The following PLCL1 variants were observed in gnomAD, a reference collection of about 807,000 sequenced individuals.
PLCL1 encodes the protein phospholipase C like 1 (inactive), also known as inactive phospholipase C-like protein 1.
Under a neutral mutation model 84.4 loss-of-function variants are expected in PLCL1, and 41 were observed. The ratio of observed to expected loss-of-function variants is 0.49; its 90% CI spans 0.38 to 0.63. The LOEUF (loss-of-function observed/expected upper bound fraction) is 0.63, where lower values mean the gene tolerates loss of function less well. Among genes scored for constraint, PLCL1 ranks in the 30% least tolerant of loss-of-function variants. The probability of loss-of-function intolerance (pLI) is 0.00; values close to 1 mark genes in which losing one functional copy is unlikely to be tolerated. For synonymous variants in PLCL1, 490 were observed against 488.3 expected, an observed-to-expected ratio of 1.00 and a Z score of -0.05; for missense variants, 1,206 against 1,367.8, an observed-to-expected ratio of 0.88 and a Z score of 1.87.
intron 1 of PLCL1, among the ~76,000 whole-genome samples, chr2:198,033,300 G>T (rs975783407): frequency 1.3e-5 from 2 of 152,144 alleles, no homozygotes; most frequent in Non-Finnish European, 1.5e-5. Context: ...TTTGGTAAAT[G>T]CAGGTTCTTC....
chr2:197,971,392 G>GT (rs1410942817), intron 1 of PLCL1, among the ~76,000 whole-genome samples: 1 of 152,188 alleles, frequency 6.6e-6, no homozygotes, highest in Non-Finnish European at 1.5e-5. Context: ...CAAATAAAGG[G>GT]TGGGGGAAAC....
intron 1 of PLCL1, among the ~76,000 whole-genome samples, chr2:198,024,562 G>A (rs1026833863): frequency 1.2e-4 from 18 of 152,056 alleles, no homozygotes; most frequent in Admixed American, 4.6e-4. Flanking sequence ...TCGGGAGTTC[G>A]AGACCAGCCT....
intron 1 of PLCL1, among the ~76,000 whole-genome samples, chr2:197,841,772 T>C (rs1377560597): frequency 6.6e-5 from 10 of 152,176 alleles, no homozygotes; most frequent in African/African-American, 2.4e-4. Flanking sequence ...ACATGTTTAG[T>C]TTTGTAAGAA....
At chr2:197,885,571 C>T (rs1347791767) in intron 1 of PLCL1, among the ~76,000 whole-genome samples, 3 of 152,296 alleles carry the variant, frequency 2.0e-5, no homozygotes, top group Admixed American at 6.5e-5. Flanking sequence ...CACCCAGAAA[C>T]GATGTTTAAT....
intron 1 of PLCL1, among the ~76,000 whole-genome samples, chr2:197,860,974 T>C (rs1239717252): frequency 1.3e-5 from 2 of 152,180 alleles, no homozygotes; most frequent in African/African-American, 4.8e-5. Context: ...ATTGTCTAGA[T>C]TGGGATCCCT....
At chr2:198,047,445 G>C (rs1691834303) in intron 1 of PLCL1, among the ~76,000 whole-genome samples, 1 of 152,072 alleles carries the variant, frequency 6.6e-6, no homozygotes, top group Admixed American at 6.6e-5. Flanking sequence ...GCCTTTCAAA[G>C]TGCTAGGAAT....
chr2:198,044,779 T>C (rs924536555), intron 1 of PLCL1, among the ~76,000 whole-genome samples: 1 of 152,202 alleles, frequency 6.6e-6, no homozygotes, highest in African/African-American at 2.4e-5. Flanking sequence ...CACCTATTTT[T>C]GGGTGAGGGG....
intron 1 of PLCL1, among the ~76,000 whole-genome samples, chr2:197,993,145 C>A (rs1044584281): frequency 6.6e-6 from 1 of 152,110 alleles, no homozygotes; most frequent in Non-Finnish European, 1.5e-5. Context: ...TTTCTGCATA[C>A]CCTAGCCAAC....
chr2:197,851,049 T>C (rs1276853453), intron 1 of PLCL1, among the ~76,000 whole-genome samples: 1 of 152,220 alleles, frequency 6.6e-6, no homozygotes, highest in African/African-American at 2.4e-5. Flanking sequence ...GTTAGGTATA[T>C]AAGTCTCATA....
At chr2:197,846,933 T>A (rs1031522141) in intron 1 of PLCL1, among the ~76,000 whole-genome samples, 1 of 152,166 alleles carries the variant, frequency 6.6e-6, no homozygotes, top group Non-Finnish European at 1.5e-5. Context: ...ATTGCTGATA[T>A]GAGACTTGTG....
At chr2:197,809,613 C>A (rs541881975) in intron 1 of PLCL1, among the ~76,000 whole-genome samples, 1 of 152,130 alleles carries the variant, frequency 6.6e-6, no homozygotes, top group Non-Finnish European at 1.5e-5. Context: ...TTCTGCTTGG[C>A]GTCAATATAT....
At chr2:197,963,487 C>T (rs901159213) in intron 1 of PLCL1, among the ~76,000 whole-genome samples, 2 of 151,878 alleles carry the variant, frequency 1.3e-5, no homozygotes, top group African/African-American at 4.8e-5. Context: ...GGTTATTAAT[C>T]CCTTGTTAGA....
intron 1 of PLCL1, among the ~76,000 whole-genome samples, chr2:198,023,590 A>T (rs982351916): frequency 6.6e-6 from 1 of 152,252 alleles, no homozygotes; most frequent in African/African-American, 2.4e-5. Flanking sequence ...GGCGAAGGAT[A>T]TGGACAGACG....
At chr2:197,976,499 C>T (rs933426126) in intron 1 of PLCL1, among the ~76,000 whole-genome samples, 11 of 152,084 alleles carry the variant, frequency 7.2e-5, no homozygotes, top group South Asian at 2.1e-4. Context: ...CCCAGGAGGG[C>T]GTGCAGTGGC....
chr2:197,852,643 G>A (rs1687261512), intron 1 of PLCL1, among the ~76,000 whole-genome samples: 1 of 152,080 alleles, frequency 6.6e-6, no homozygotes, highest in Admixed American at 6.6e-5. Flanking sequence ...GTTGATAGAT[G>A]CCAGTCACTG....
At position 198,084,056 on chromosome 2, in the gene PLCL1, T is replaced by A; in HGVS notation, c.539T>A (p.Leu180His). Residue 180 changes from leucine to histidine, a missense_variant, in exon 2 of 6, where the codon CTT (leucine) becomes CAT (histidine). Physicochemically the swap from Leu to His is moderately conservative, Grantham distance 99 (BLOSUM62 -3). Transcript: ENST00000428675. ...KNTETFRNNG[L>H]ADQICEDCAF... ...ACGGAAACATTTAGAAACAATGGCCTTGCTGACCAGATCTGTGAGGACTGT... is the reference window on the plus strand; with the variant it reads ...ACGGAAACATTTAGAAACAATGGCCATGCTGACCAGATCTGTGAGGACTGT... The A allele has an allele frequency of 1.9e-6, 3 of 1,614,196 alleles. No homozygotes were observed. The highest frequency in any genetic ancestry group is 1.3e-5 in the African/African-American group (1 of 75,060).
At chr2:197,987,018 C>A (rs1690233336) in intron 1 of PLCL1, among the ~76,000 whole-genome samples, 1 of 152,190 alleles carries the variant, frequency 6.6e-6, no homozygotes, top group Non-Finnish European at 1.5e-5. Context: ...TGTCTTCTGA[C>A]TTCATATCCC....
chr2:197,959,357 G>T (rs371966630), intron 1 of PLCL1, among the ~76,000 whole-genome samples: 3 of 152,004 alleles, frequency 2.0e-5, no homozygotes, highest in East Asian at 3.9e-4. Flanking sequence ...GTTCTATTCA[G>T]GTCTTCTACT....
At position 198,029,690 on chromosome 2, in the gene PLCL1, C is replaced by G. The variant is rs377104146; in HGVS notation, c.241-54068C>G. 2.3e-3 allele frequency among the ~76,000 whole-genome samples: 315 copies of G among 139,956 alleles called. 3 individuals are homozygous for G. Among genetic ancestry groups the G allele is most frequent in the African/African-American group, 8.1e-3 (303 of 37,280 alleles). 91.8% of individuals were successfully genotyped at this position (139,956 alleles called of 152,430 possible). A position where few individuals can be genotyped will look rare whatever the true frequency, so the allele number is the denominator to read the frequency against. Reference sequence around the variant, plus strand: ...CCTTCCTTCTTCTCTTCTCTTCTCTCCTCTTCTCTCCTCTTCTCTCTTCTC... The same window carrying G: ...CCTTCCTTCTTCTCTTCTCTTCTCTGCTCTTCTCTCCTCTTCTCTCTTCTC... On this transcript the variant is annotated intron_variant, in intron 1 of 5. Transcript: ENST00000428675.
Sources: allele counts gnomAD v4.1 joint callset (sites outside exome capture counted in the v4.1 genomes callset), GRCh38; gene constraint gnomAD v4.1.1; transcripts MANE v1.5; gene names NCBI Gene and HGNC (gene_info 2026-07-23, HGNC 2026-07-21).